Variants in PSD observed in about 807,000 individuals in gnomAD.
The protein encoded by PSD is pleckstrin and Sec7 domain containing.
A neutral mutation model predicts 91.6 loss-of-function variants in PSD; 32 were observed. The ratio of observed to expected loss-of-function variants is 0.35; its 90% CI spans 0.26 to 0.47. The LOEUF is 0.47. Among genes scored for constraint, PSD ranks in the 20% least tolerant of loss-of-function variants. The pLI is 1.00. For synonymous variants in PSD, 532 were observed against 569.3 expected (o/e 0.93, Z 0.93); for missense variants, 1,099 against 1,373.9 (o/e 0.80, Z 3.16).
intron 8 of PSD, 65 bp downstream of exon 8, chr10:102,411,642 A>G: frequency 1.6e-6 from 2 of 1,235,778 alleles, no homozygotes; most frequent in South Asian, 2.5e-5. Flanking sequence ...GTACACACAC[A>G]CAGGGCCCAG....
rs545516382 is a variant in PSD, at chr10:102,410,584, C to G, written c.2091+274G>C. Among the ~76,000 whole-genome samples, 12 of 152,342 alleles carry G rather than the reference C, an allele frequency of 7.9e-5. No homozygotes were observed. The highest frequency in any genetic ancestry group is 1.5e-4 in the Non-Finnish European group (10 of 68,018). ...GGGGAACTGAAGGCAAACGCAGGGG[C>G]CGGGGCCGCCTGCTCGCGTTTTCCA... On this transcript the variant is annotated intron_variant, in intron 10 of 16. Coordinates refer to ENST00000020673, the MANE Select transcript of PSD (RefSeq NM_002779.5). This position sits in a 1 kb window ranked among gnomAD's most constrained non-coding sequence, Gnocchi z 6.0.
chr10:102,407,127 A>AC, intron 11 of PSD, 96 bp downstream of exon 11: 2 of 1,123,980 alleles, frequency 1.8e-6, no homozygotes, highest in Non-Finnish European at 2.4e-6. Flanking sequence ...CCCCTCCCCT[A>AC]CCCCCACCCA....
At chr10:102,418,060 A>C (rs1165708819) in intron 1 of PSD, among the ~76,000 whole-genome samples, 1 of 147,952 alleles carries the variant, frequency 6.8e-6, no homozygotes, top group Non-Finnish European at 1.5e-5. Flanking sequence ...CACACACACA[A>C]ACACACACAC....
rs1406533444 is a variant in PSD, at chr10:102,403,081, G to A, written c.*119C>T. On this transcript the variant is annotated 3_prime_UTR_variant, in exon 17 of 17. Coordinates refer to ENST00000020673, the MANE Select transcript of PSD (RefSeq NM_002779.5). This position sits in a 1 kb window ranked among gnomAD's most constrained non-coding sequence, Gnocchi z 6.7. ...CTGCCCTGCCCCGGACACCGCGTCC[G>A]GCGCGGTCGGGCCCTAGGCCGGGAG... 7.7e-6 allele frequency: 6 copies of A among 781,614 alleles called. No individual in the cohort carries two copies. The highest frequency in any genetic ancestry group is 9.3e-6 in the Non-Finnish European group (5 of 535,000). The allele number at this position is 781,614 out of a possible 1,614,324, so 48.4% of individuals were successfully genotyped here.
rs1426380018 is a variant in PSD, at chr10:102,405,770, T to C, written c.2136-234A>G. 2 of 534,984 alleles carry C rather than the reference T, an allele frequency of 3.7e-6. No individual in the cohort carries two copies. Among genetic ancestry groups the C allele is most frequent in the Non-Finnish European group, 6.7e-6 (2 of 298,242 alleles). The allele number at this position is 534,984 out of a possible 1,614,324, so 33.1% of individuals were successfully genotyped here. ...CCAGCCTAGAGCCACCACTGTCCCT[T>C]CCTCCCAGCAAGTAGGGCCAGCACT... On this transcript the variant is annotated intron_variant, in intron 11 of 16. Transcript: ENST00000020673. This position sits in a 1 kb window ranked among gnomAD's most constrained non-coding sequence, Gnocchi z 5.4.
chr10:102,405,052 C>A lies in PSD; in HGVS notation c.2401G>T (p.Glu801Ter). The A allele has an allele frequency of 6.2e-7, 1 of 1,613,888 alleles. No individual in the cohort carries two copies. Among genetic ancestry groups the A allele is most frequent in the Non-Finnish European group, 8.5e-7 (1 of 1,179,882 alleles). The change falls in exon 14 of 17, where the codon GAG becomes TAG. Residue 801 changes from glutamate to a stop codon, truncating the protein, a stop_gained. Coordinates refer to ENST00000020673, the MANE Select transcript of PSD (RefSeq NM_002779.5). LOFTEE classifies it high-confidence loss of function. The surrounding 1 kb of genome is among the most constrained non-coding windows in gnomAD (Gnocchi z 5.4). ...KGMILYLQKEEYKPGKALSET... is the reference protein window; with the variant it reads ...KGMILYLQKE The stretch of plus-strand genomic sequence containing the variant: ...GAAAGGGCCTTCCCAGGCTTGTACT[C>A]CTCCTGCAGGGGTGTCCATCTTGTC...
Position 102,416,993 on chromosome 10 carries a change from T to C in PSD, c.46A>G (p.Ile16Val). 1.9e-6 allele frequency: 3 copies of C among 1,589,322 alleles called. No individual in the cohort carries two copies. Among genetic ancestry groups the C allele is most frequent in the Non-Finnish European group, 2.6e-6 (3 of 1,175,974 alleles). The change falls in exon 2 of 17, where the codon ATC (isoleucine) becomes GTC (valine). Residue 16 changes from isoleucine (I) to valine (V), a missense_variant. By Grantham distance (29) the Ile-to-Val change is conservative. This residue lies in a region of PSD where 631 missense variants were observed against 728.8 expected (regional missense o/e 0.87). Transcript: ENST00000020673. This position sits in a 1 kb window ranked among gnomAD's most constrained non-coding sequence, Gnocchi z 6.0. Reference sequence around the variant, plus strand: ...CGGCGTGGGCATCGTGGTGGGGAGATGGCACAGTCGCCTTCCGAGCAGAAG... The same window carrying C: ...CGGCGTGGGCATCGTGGTGGGGAGACGGCACAGTCGCCTTCCGAGCAGAAG... ...MRFCSEGDCAISPPRCPRRWL... is the reference protein window; with the variant it reads ...MRFCSEGDCAVSPPRCPRRWL...
At chr10:102,408,572 TGCCTCCC>T (rs1314818524) in intron 10 of PSD, among the ~76,000 whole-genome samples, 1 of 152,164 alleles carries the variant, frequency 6.6e-6, no homozygotes, top group Non-Finnish European at 1.5e-5. Flanking sequence ...CTGCAATCCT[TGCCTCCC>T]GCCTTCTAGT....
chr10:102,418,060 A>AAC (rs3061745), intron 1 of PSD, among the ~76,000 whole-genome samples: 86 of 148,054 alleles, frequency 5.8e-4, no homozygotes, highest in African/African-American at 1.7e-3. Context: ...CACACACACA[A>AAC]ACACACACAC....
rs547763890 is a variant in PSD, at chr10:102,404,283, G to C, written c.2701-298C>G. Among the ~76,000 whole-genome samples, 141 of 150,728 alleles carry C rather than the reference G, an allele frequency of 9.4e-4. No individual in the cohort carries two copies. Among genetic ancestry groups the C allele is most frequent in the Non-Finnish European group, 1.8e-3 (123 of 67,880 alleles). ...GAACGGCGTGAACCCGGGAGGCAGA[G>C]CTTGCAGTGAGCTGAGATCGTGCCA... On this transcript the variant is annotated intron_variant, in intron 15 of 16. Coordinates refer to ENST00000020673, the MANE Select transcript of PSD (RefSeq NM_002779.5). This position sits in a 1 kb window ranked among gnomAD's most constrained non-coding sequence, Gnocchi z 5.7.
rs969400351 is a variant in PSD at position 102,416,492 on chromosome 10, C to A, written c.547G>T (p.Val183Phe). The A allele has an allele frequency of 3.7e-6, 6 of 1,613,352 alleles. No individual in the cohort carries two copies. The highest frequency in any genetic ancestry group is 5.1e-6 in the Non-Finnish European group (6 of 1,179,754). Residue 183 changes from valine to phenylalanine, a missense_variant, in exon 2 of 17, where the codon GTT becomes TTT. Physicochemically the swap from Val to Phe is conservative, Grantham distance 50 (BLOSUM62 -1). This residue lies in a region of PSD where 631 missense variants were observed against 728.8 expected (regional missense o/e 0.87). Coordinates refer to ENST00000020673, the MANE Select transcript of PSD (RefSeq NM_002779.5). This position sits in a 1 kb window ranked among gnomAD's most constrained non-coding sequence, Gnocchi z 6.0. ...LVHGPPAPPQ[V>F]GADGLYSSLP... The stretch of plus-strand genomic sequence containing the variant: ...GAGGAGTAAAGGCCATCTGCTCCAA[C>A]CTGGGGTGGGGCTGGCGGCCCATGT...
At position 102,403,112 on chromosome 10, in the gene PSD, C is replaced by T. The variant is rs1426117199; in HGVS notation, c.*88G>A. 1.5e-5 allele frequency: 17 copies of T among 1,152,786 alleles called. No individual in the cohort carries two copies. The highest frequency in any genetic ancestry group is 5.8e-5 in the East Asian group (2 of 34,552). 71.4% of individuals were successfully genotyped at this position (1,152,786 alleles called of 1,614,324 possible). On this transcript the variant is annotated 3_prime_UTR_variant, in exon 17 of 17. Coordinates refer to ENST00000020673, the MANE Select transcript of PSD (RefSeq NM_002779.5). The surrounding 1 kb of genome is among the most constrained non-coding windows in gnomAD (Gnocchi z 6.7). ...GTCGGGCCCTAGGCCGGGAGGCCCT[C>T]GTGGGTGGCCCGAGGCCGGCCCGGG... is the stretch of plus-strand genomic sequence containing the variant.
Position 102,409,134 on chromosome 10 carries a change from G to T in PSD, c.2091+1724C>A. ...CGCCGCGGCCCCCGGCCATGCCCCCGTCCGCCCTCGGCCCCCGGGCCGCCC... is the reference window on the plus strand; with the variant it reads ...CGCCGCGGCCCCCGGCCATGCCCCCTTCCGCCCTCGGCCCCCGGGCCGCCC... On this transcript the variant is annotated intron_variant, in intron 10 of 16. Transcript: ENST00000020673. This position sits in a 1 kb window ranked among gnomAD's most constrained non-coding sequence, Gnocchi z 5.7. The T allele has an allele frequency of 1.0e-6, 1 of 980,634 alleles. No individual in the cohort carries two copies. The highest frequency in any genetic ancestry group is 1.8e-5 in the African/African-American group (1 of 56,780). 60.7% of individuals were successfully genotyped at this position (980,634 alleles called of 1,614,324 possible).
rs767634674 is a variant in PSD at position 102,416,757 on chromosome 10, G to A, written c.282C>T (p.Pro94=). The change falls in exon 2 of 17, where the codon CCC becomes CCT. Residue 94 remains proline, a synonymous_variant. Transcript: ENST00000020673. This position sits in a 1 kb window ranked among gnomAD's most constrained non-coding sequence, Gnocchi z 6.0. The part of the protein sequence containing the change: ...APSSPTGQPP[P]GAQSSVVIFR... ...AGATGACCACAGAGCTCTGGGCCCC[G>A]GGTGGGGGCTGCCCAGTGGGTGAAG... The A allele has an allele frequency of 1.6e-5, 26 of 1,590,256 alleles. No homozygotes were observed. Among genetic ancestry groups the A allele is most frequent in the Middle Eastern group, 1.7e-4 (1 of 5,940 alleles).
In PSD at chr10:102,413,741, AG is replaced by A. The variant is rs757831120; in HGVS notation, c.1553+27del. 39 of 1,582,598 alleles carry A rather than the reference AG, an allele frequency of 2.5e-5. 1 individual carries two copies. The South Asian group carries it at 4.1e-4, about 17-fold the overall frequency. On this transcript the variant is annotated intron_variant, in intron 5 of 16. Coordinates refer to ENST00000020673, the MANE Select transcript of PSD (RefSeq NM_002779.5). ...TGTTTCTGGAGCCCTGGGGGCCTCAAGTCTGAGGGACAAAAGGAATTACTTA... is the reference window on the plus strand; with the variant it reads ...TGTTTCTGGAGCCCTGGGGGCCTCAATCTGAGGGACAAAAGGAATTACTTA...
chr10:102,408,899 T>G, intron 10 of PSD: 1 of 986,872 alleles, frequency 1.0e-6, no homozygotes, highest in Non-Finnish European at 1.2e-6. Flanking sequence ...CCTCACCGCC[T>G]TTTTCTTCTT....
chr10:102,414,061 T>C lies in PSD; in HGVS notation c.1261A>G (p.Thr421Ala), dbSNP rs779941599. 6.2e-7 allele frequency: 1 copy of C among 1,614,016 alleles called. No homozygotes were observed. The highest frequency in any genetic ancestry group is 1.1e-5 in the South Asian group (1 of 91,078). ...AAGGCCTCCAGCGAGGCGAGGCTGGTATAGGAGGTGCCTTTGGCCCGGTGT... is the reference window on the plus strand; with the variant it reads ...AAGGCCTCCAGCGAGGCGAGGCTGGCATAGGAGGTGCCTTTGGCCCGGTGT... ...ESHRAKGTSY[T>A]SLASLEALAS... The change falls in exon 5 of 17, where the codon ACC (threonine) becomes GCC (alanine). Residue 421 changes from threonine to alanine, a missense_variant. Physicochemically the swap from Thr to Ala is moderately conservative, Grantham distance 58. Transcript: ENST00000020673. This position sits in a 1 kb window ranked among gnomAD's most constrained non-coding sequence, Gnocchi z 5.6.
At chr10:102,418,542 C>T (rs1395806649) in intron 1 of PSD, among the ~76,000 whole-genome samples, 159 bp downstream of exon 1, 1 of 152,092 alleles carries the variant, frequency 6.6e-6, no homozygotes, top group South Asian at 2.1e-4. Context: ...ACAGATCCCG[C>T]CCAGGAGAGA....
In PSD at chr10:102,409,023, A is replaced by G; in HGVS notation, c.2092-1757T>C. 2.0e-6 allele frequency: 2 copies of G among 986,790 alleles called. No individual in the cohort carries two copies. The highest frequency in any genetic ancestry group is 2.4e-6 in the Non-Finnish European group (2 of 830,056). The allele number at this position is 986,790 out of a possible 1,614,324, so 61.1% of individuals were successfully genotyped here. On this transcript the variant is annotated intron_variant, in intron 10 of 16. Transcript: ENST00000020673. This position sits in a 1 kb window ranked among gnomAD's most constrained non-coding sequence, Gnocchi z 5.7. ...TCCGCGCCGCGGTGGGTGCGCCCGTAGCGCACGGAGCACAGCGAGCGCGAG... is the reference window on the plus strand; with the variant it reads ...TCCGCGCCGCGGTGGGTGCGCCCGTGGCGCACGGAGCACAGCGAGCGCGAG...
Sources: allele counts gnomAD v4.1 joint callset (sites outside exome capture counted in the v4.1 genomes callset), GRCh38; gene constraint gnomAD v4.1.1; regional missense constraint gnomAD v4.1.1; non-coding constraint Gnocchi (gnomAD v3.1); transcripts MANE v1.5; gene names NCBI Gene and HGNC (gene_info 2026-07-23, HGNC 2026-07-21).